The following PCNT variants were observed in gnomAD, a reference collection of about 807,000 sequenced individuals.
PCNT encodes the protein kendrin.
Under a neutral mutation model 380.4 loss-of-function variants are expected in PCNT, and 319 were observed. The observed-to-expected ratio is 0.84, with a 90% CI of 0.77 to 0.92. The LOEUF (loss-of-function observed/expected upper bound fraction) is 0.92. Ranked by LOEUF, PCNT falls within the 40% of genes least tolerant of loss-of-function variation. The pLI, the probability that PCNT is intolerant of heterozygous loss-of-function variation, is 0.00. For synonymous variants in PCNT, 1,845 were observed against 1,735.2 expected (o/e 1.06, Z -1.57); for missense variants, 4,400 against 4,255.3 (o/e 1.03, Z -0.95).
rs537078824 is a variant in PCNT, at chr21:46,435,119, C to A, written c.8752-785C>A. On this transcript the variant is annotated intron_variant, in intron 38 of 46. Coordinates refer to ENST00000359568, the MANE Select transcript of PCNT (RefSeq NM_006031.6). ...TCAGCTGTGGGTCCCAGTACAGGAC[C>A]ACAGGGGCTGCCTGCCCGAGGGCCT... Among the ~76,000 whole-genome samples the A allele has an allele frequency of 2.6e-5, 4 of 152,330 alleles. No homozygotes were observed. In the South Asian group the frequency reaches 8.3e-4, roughly 32 times the overall value.
At position 46,324,459 on chromosome 21, in the gene PCNT, T is replaced by C. The variant is rs1333372199; in HGVS notation, c.54+177T>C. Among the ~76,000 whole-genome samples the C allele has an allele frequency of 4.0e-5, 6 of 151,100 alleles. No homozygotes were observed. The East Asian group carries it at 9.9e-4, about 25-fold the overall frequency. On this transcript the variant is annotated intron_variant, in intron 1 of 46. Transcript: ENST00000359568. The stretch of plus-strand genomic sequence containing the variant: ...GCCTCCTGGCCGCCGCCATCTTGAA[T>C]CCGCCGCTCTCCGCCAGGTCCCGCC...
Position 46,425,678 on chromosome 21 carries a change from G to A in PCNT, c.7180-153G>A, listed in dbSNP as rs529878693. Among the ~76,000 whole-genome samples, 2 of 152,332 alleles carry A rather than the reference G, an allele frequency of 1.3e-5. No individual in the cohort carries two copies. Among genetic ancestry groups the A allele is most frequent in the East Asian group, 1.9e-4 (1 of 5,184 alleles). On this transcript the variant is annotated intron_variant, in intron 32 of 46. Transcript: ENST00000359568. The surrounding 1 kb of genome is among the most constrained non-coding windows in gnomAD (Gnocchi z 4.2). ...GAAAACCTTGTAGCTTGAGAAGTGG[G>A]TGCCGCCTGTACGAAGCCGAGGCGG...
At chr21:46,400,876 C>T (rs914193947) in intron 25 of PCNT, among the ~76,000 whole-genome samples, 2 of 152,184 alleles carry the variant, frequency 1.3e-5, no homozygotes, top group African/African-American at 4.8e-5. Flanking sequence ...GGCCTTTCCT[C>T]AGGCCCTGAC....
At chr21:46,359,505 T>TTTTTTTTTTTTTTTTG (rs1366973325) in intron 13 of PCNT, among the ~76,000 whole-genome samples, 1 of 124,962 alleles carries the variant, frequency 8.0e-6, no homozygotes, top group Non-Finnish European at 1.8e-5. Context: ...TTTTTTTTTT[T>TTTTTTTTTTTTTTTTG]TTGAGACAGT....
At chr21:46,343,651 A>G (rs867113611) in intron 3 of PCNT, among the ~76,000 whole-genome samples, 7 of 152,028 alleles carry the variant, frequency 4.6e-5, no homozygotes, top group African/African-American at 1.7e-4. Flanking sequence ...TTTAGGAAGG[A>G]TTCTTTCTTT....
At chr21:46,404,747 C>T (rs559917785) in intron 27 of PCNT, among the ~76,000 whole-genome samples, 10 of 152,206 alleles carry the variant, frequency 6.6e-5, no homozygotes, top group African/African-American at 2.2e-4. Context: ...CTCAGGAGTT[C>T]GAGACCAGCC....
intron 21 of PCNT, among the ~76,000 whole-genome samples, chr21:46,396,501 G>A (rs1326363457): frequency 1.3e-5 from 2 of 152,204 alleles, no homozygotes; most frequent in Admixed American, 6.5e-5. Context: ...TTGCGGCCTC[G>A]TCACCTTTTC....
At chr21:46,412,732 C>T (rs1460186326) in intron 28 of PCNT, 105 bp from the exon 29 acceptor site, 17 of 1,199,370 alleles carry the variant, frequency 1.4e-5, no homozygotes, top group Non-Finnish European at 1.8e-5. Flanking sequence ...CTCCCTCTGG[C>T]ATCCCTGCTG....
At chr21:46,363,369 GGT>G (rs1418874299) in intron 13 of PCNT, 109 bp from the exon 14 acceptor site, 20 of 791,042 alleles carry the variant, frequency 2.5e-5, no homozygotes, top group South Asian at 4.2e-5. Context: ...CAGCGTAATG[GGT>G]GTGTGTGTGG....
chr21:46,361,114 G>A lies in PCNT; in HGVS notation c.2155-2366G>A, dbSNP rs560883959. ...GGATTAAAATACACATTCTTGGCCC[G>A]GCACGGTGGCTCAGGCCAGTAATCC... is the stretch of plus-strand genomic sequence containing the variant. On this transcript the variant is annotated intron_variant, in intron 13 of 46. Transcript: ENST00000359568. Among the ~76,000 whole-genome samples, 36 of 152,190 alleles carry A rather than the reference G, an allele frequency of 2.4e-4. 2 individuals carry two copies. In the South Asian group the frequency reaches 3.9e-3, roughly 17 times the overall value.
chr21:46,427,754 A>T lies in PCNT; in HGVS notation c.7453A>T (p.Ser2485Cys). Reference sequence around the variant, plus strand: ...CAGTGGCTCAGATCTGGGGGGTCACAGCTCCCTGCTCGAAAGGCTGGAGAA... The same window carrying T: ...CAGTGGCTCAGATCTGGGGGGTCACTGCTCCCTGCTCGAAAGGCTGGAGAA... ...RLSGSDLGGH[S>C]SLLERLEKII... The change falls in exon 34 of 47, where the codon AGC becomes TGC. Residue 2485 changes from serine to cysteine, a missense_variant. Ser to Cys is a moderately radical substitution (Grantham distance 112, BLOSUM62 -1). Coordinates refer to ENST00000359568, the MANE Select transcript of PCNT (RefSeq NM_006031.6). 6.2e-7 allele frequency: 1 copy of T among 1,613,802 alleles called. No individual in the cohort carries two copies.
chr21:46,365,219 T>C (rs1424017816), intron 14 of PCNT, among the ~76,000 whole-genome samples: 1 of 151,116 alleles, frequency 6.6e-6, no homozygotes, highest in Admixed American at 6.6e-5. Flanking sequence ...TGCTGTGGGG[T>C]TCTGTTCACT....
intron 21 of PCNT, among the ~76,000 whole-genome samples, chr21:46,391,861 C>G (rs913127032): frequency 2.0e-5 from 3 of 152,204 alleles, no homozygotes; most frequent in Non-Finnish European, 4.4e-5. Context: ...AAATGTCGAG[C>G]CTGCAGGGAG....
In PCNT at chr21:46,432,184, G is replaced by T. The variant is rs1314660137; in HGVS notation, c.8720G>T (p.Trp2907Leu). The T allele has an allele frequency of 2.5e-6, 4 of 1,612,272 alleles. No homozygotes were observed. The Admixed American group carries it at 6.7e-5, about 27-fold the overall frequency. Reference sequence around the variant, plus strand: ...CAGAGCCCAGCGGCTGCGGAGCAGTGGAGGAAGTGGCAGAGAGACAAGGAG... The same window carrying T: ...CAGAGCCCAGCGGCTGCGGAGCAGTTGAGGAAGTGGCAGAGAGACAAGGAG... ...ARQSPAAAEQ[W>L]RKWQRDKEKL... Residue 2907 changes from tryptophan to leucine, a missense_variant, in exon 38 of 47, where the codon TGG becomes TTG. Transcript: ENST00000359568.
At chr21:46,386,072 C>G (rs909793627) in intron 17 of PCNT, 89 bp downstream of exon 17, 20 of 1,510,766 alleles carry the variant, frequency 1.3e-5, no homozygotes, top group Non-Finnish European at 1.7e-5. Context: ...GGCTCCTGGC[C>G]CCGTGGCTGC....
chr21:46,432,117 C>T lies in PCNT; in HGVS notation c.8653C>T (p.Gln2885Ter). 1.2e-6 allele frequency: 2 copies of T among 1,614,096 alleles called. No homozygotes were observed. Among genetic ancestry groups the T allele is most frequent in the Middle Eastern group, 3.3e-4 (2 of 6,056 alleles). ...GCAGTCACACCCACGGTTGAAAGAG[C>T]AAGAAGGACGCAAGGCTGCGAGGAG... Reference protein sequence around the residue: ...LEQSHPRLKEQEGRKAARRSA... With the variant: ...LEQSHPRLKE Residue 2885 changes from glutamine (Q) to a stop codon, truncating the protein, a stop_gained, in exon 38 of 47, where the codon CAA (glutamine) becomes TAA (stop). Transcript: ENST00000359568. LOFTEE classifies it high-confidence loss of function.
chr21:46,402,217 C>G, intron 26 of PCNT, 114 bp from the exon 27 acceptor site: 1 of 724,922 alleles, frequency 1.4e-6, no homozygotes, highest in Non-Finnish European at 2.2e-6. Flanking sequence ...GTAGTAATTG[C>G]TTTAGGCATG....
rs187372555 is a variant in PCNT at position 46,349,150 on chromosome 21, T to G, written c.1171T>G (p.Leu391Val). The change falls in exon 7 of 47, where the codon TTG becomes GTG. Residue 391 changes from leucine to valine, a missense_variant. Leu to Val is a conservative substitution (Grantham distance 32). Transcript: ENST00000359568. The stretch of plus-strand genomic sequence containing the variant: ...AGAATTGGCAGAACAGAGAGCTGAG[T>G]TGGAGAAGATTTTTCAAGACAAAAA... Reference protein sequence around the residue: ...QKELAEQRAELEKIFQDKNQA... With the variant: ...QKELAEQRAEVEKIFQDKNQA... 17 of 1,613,712 alleles carry G rather than the reference T, an allele frequency of 1.1e-5. No individual in the cohort carries two copies. Among genetic ancestry groups the G allele is most frequent in the Non-Finnish European group, 1.4e-5 (16 of 1,179,840 alleles).
intron 21 of PCNT, among the ~76,000 whole-genome samples, chr21:46,391,898 C>G (rs569775233): frequency 1.3e-5 from 2 of 152,204 alleles, no homozygotes; most frequent in African/African-American, 2.4e-5. Flanking sequence ...TGGTTCAGCT[C>G]GAGCAAAGGC....
Sources: allele counts gnomAD v4.1 joint callset (sites outside exome capture counted in the v4.1 genomes callset), GRCh38; gene constraint gnomAD v4.1.1; non-coding constraint Gnocchi (gnomAD v3.1); transcripts MANE v1.5; gene names NCBI Gene and HGNC (gene_info 2026-07-23, HGNC 2026-07-21).